The following PCDH15 variants were observed in gnomAD, a reference collection of about 807,000 sequenced individuals.
The protein encoded by PCDH15 is protocadherin-15.
In PCDH15, 129 loss-of-function variants were observed where a neutral mutation model predicts 178.5. The observed-to-expected ratio is 0.72, with a 90% CI of 0.63 to 0.84. The LOEUF (loss-of-function observed/expected upper bound fraction) is 0.84, where lower values mean the gene tolerates loss of function less well. PCDH15 is among the 40% of genes least tolerant of loss of function. PCDH15 has a pLI of 0.00. For synonymous variants in PCDH15, 800 were observed against 732.0 expected, an observed-to-expected ratio of 1.09 and a Z score of -1.50; for missense variants, 2,230 against 2,099.9, an observed-to-expected ratio of 1.06 and a Z score of -1.21.
chr10:54,401,066 G>A (rs975908131), intron 3 of PCDH15, among the ~76,000 whole-genome samples: 1 of 151,858 alleles, frequency 6.6e-6, no homozygotes, highest in Non-Finnish European at 1.5e-5. Flanking sequence ...AAATTAAAAA[G>A]ATTTTAGTAA....
At chr10:54,367,634 C>T (rs968092879) in intron 5 of PCDH15, among the ~76,000 whole-genome samples, 3 of 151,720 alleles carry the variant, frequency 2.0e-5, no homozygotes, top group Admixed American at 6.6e-5. Context: ...GGGAGGAAAA[C>T]ATCACACACC....
At chr10:55,431,983 G>A (rs1455206535) in intron 2 of PCDH15, among the ~76,000 whole-genome samples, 2 of 151,872 alleles carry the variant, frequency 1.3e-5, no homozygotes, top group African/African-American at 2.4e-5. Flanking sequence ...AAATAATACT[G>A]TAAACATTTT....
intron 8 of PCDH15, among the ~76,000 whole-genome samples, chr10:54,251,221 A>C (rs1258661804): frequency 6.6e-6 from 1 of 152,128 alleles, no homozygotes; most frequent in Non-Finnish European, 1.5e-5. Context: ...ATCTGGTAGA[A>C]ATTTGCTTTT....
At chr10:55,563,647 C>A (rs1317451563) in intron 2 of PCDH15, among the ~76,000 whole-genome samples, 5 of 150,782 alleles carry the variant, frequency 3.3e-5, no homozygotes, top group South Asian at 2.1e-4. Flanking sequence ...AATAGAGTCA[C>A]CGAGAAAGAC....
At position 53,903,287 on chromosome 10, in the gene PCDH15, C is replaced by T. The variant is rs773196627; in HGVS notation, c.3457G>A (p.Val1153Ile). 1.2e-6 allele frequency: 2 copies of T among 1,613,030 alleles called. No homozygotes were observed. Among genetic ancestry groups the T allele is most frequent in the East Asian group, 4.5e-5 (2 of 44,818 alleles). Reference protein sequence around the residue: ...VFQKKFYIGGVSEDARMFTSV... With the variant: ...VFQKKFYIGGISEDARMFTSV... ...GTAAACATTCTTGCATCTTCAGATACACCTCCGATGTAGAATTTTTTCTGA... is the reference window on the plus strand; with the variant it reads ...GTAAACATTCTTGCATCTTCAGATATACCTCCGATGTAGAATTTTTTCTGA... Residue 1153 changes from valine (V) to isoleucine (I), a missense_variant, in exon 26 of 38, where the codon GTA (valine) becomes ATA (isoleucine). Transcript: ENST00000644397.
chr10:53,996,368 G>A (rs980682936), intron 20 of PCDH15, among the ~76,000 whole-genome samples: 2 of 152,034 alleles, frequency 1.3e-5, no homozygotes, highest in African/African-American at 4.8e-5. Flanking sequence ...TTTTTTCAGA[G>A]CAACTTATAT....
In PCDH15 at chr10:54,104,991, G is replaced by A. The variant is rs186912497; in HGVS notation, c.1918-14928C>T. On this transcript the variant is annotated intron_variant, in intron 15 of 37. Transcript: ENST00000644397. ...CTAAACTCTTTGCCTCTCACAAGTG[G>A]TGAATCAGGAGTGTCAAATGCATTT... is the stretch of plus-strand genomic sequence containing the variant. Among the ~76,000 whole-genome samples, 202 of 151,876 alleles carry A rather than the reference G, an allele frequency of 1.3e-3. 3 individuals carry two copies. In the South Asian group the frequency reaches 0.018, roughly 14 times the overall value.
At chr10:54,563,309 C>T (rs979712418) in intron 2 of PCDH15, among the ~76,000 whole-genome samples, 2 of 152,040 alleles carry the variant, frequency 1.3e-5, no homozygotes, top group Non-Finnish European at 2.9e-5. Flanking sequence ...ATCCAAGGGC[C>T]TGGGGAACTT....
At chr10:54,260,372 C>A (rs1257282908) in intron 8 of PCDH15, among the ~76,000 whole-genome samples, 1 of 145,490 alleles carries the variant, frequency 6.9e-6, no homozygotes, top group East Asian at 1.9e-4. Flanking sequence ...AGGGTCACTG[C>A]ATTCTTATTA....
intron 2 of PCDH15, among the ~76,000 whole-genome samples, chr10:55,408,248 C>T (rs992576253): frequency 3.3e-5 from 5 of 150,812 alleles, no homozygotes; most frequent in Middle Eastern, 3.4e-3. Context: ...TGCAGTGGTG[C>T]GATCTCGGCT....
intron 3 of PCDH15, among the ~76,000 whole-genome samples, chr10:54,406,876 A>C (rs1164503273): frequency 6.6e-6 from 1 of 152,116 alleles, no homozygotes; most frequent in Non-Finnish European, 1.5e-5. Flanking sequence ...ACCATAAAAG[A>C]CAACTTTAAT....
At chr10:54,387,234 C>G (rs7088052) in intron 3 of PCDH15, among the ~76,000 whole-genome samples, 8,298 of 152,206 alleles carry the variant, frequency 0.055, 746 homozygotes, top group African/African-American at 0.19. Context: ...AGTATATACT[C>G]AAAAGACTTG....
At chr10:54,775,151 A>T (rs1949553248) in intron 1 of PCDH15, among the ~76,000 whole-genome samples, 2 of 152,204 alleles carry the variant, frequency 1.3e-5, no homozygotes, top group Non-Finnish European at 2.9e-5. Context: ...CCCAAAGGAG[A>T]GAATGCCTCA....
intron 8 of PCDH15, among the ~76,000 whole-genome samples, chr10:54,307,063 TATATATATATATATATAC>T (rs1334563154): frequency 5.4e-4 from 5 of 9,310 alleles, no homozygotes; most frequent in Non-Finnish European, 9.9e-4. Flanking sequence ...TATATATATA[TATATATATATATATATAC>T]ATATATATAT....
chr10:54,639,786 TAGATTCG>T (rs770561788), intron 2 of PCDH15, among the ~76,000 whole-genome samples: 1 of 152,188 alleles, frequency 6.6e-6, no homozygotes, highest in Non-Finnish European at 1.5e-5. Context: ...GGTTTTCAAA[TAGATTCG>T]TGTGTATCTG....
chr10:53,839,417 A>G (rs971526171), intron 29 of PCDH15, among the ~76,000 whole-genome samples: 9 of 152,054 alleles, frequency 5.9e-5, no homozygotes, highest in Non-Finnish European at 1.3e-4. Flanking sequence ...AAATTTACAT[A>G]CACATAATAT....
At chr10:54,117,763 T>C (rs1238844569) in intron 15 of PCDH15, among the ~76,000 whole-genome samples, 2 of 152,090 alleles carry the variant, frequency 1.3e-5, no homozygotes, top group African/African-American at 4.8e-5. Context: ...AGGAAGGTCA[T>C]CTCATTGTCT....
chr10:55,569,285 G>C (rs1308236961), intron 2 of PCDH15, among the ~76,000 whole-genome samples: 1 of 151,970 alleles, frequency 6.6e-6, no homozygotes, highest in East Asian at 1.9e-4. Context: ...ACTTTCAAAA[G>C]TATCAAACAA....
chr10:55,011,861 A>T (rs1840054315), intron 2 of PCDH15, among the ~76,000 whole-genome samples: 1 of 152,144 alleles, frequency 6.6e-6, no homozygotes, highest in African/African-American at 2.4e-5. Flanking sequence ...CATGATGAGT[A>T]CTTGAGCCAC....
Sources: allele counts gnomAD v4.1 joint callset (sites outside exome capture counted in the v4.1 genomes callset), GRCh38; gene constraint gnomAD v4.1.1; transcripts MANE v1.5; gene names NCBI Gene and HGNC (gene_info 2026-07-23, HGNC 2026-07-21).